SH3BGRL2: variants seen among roughly 807,000 people sequenced by gnomAD.
SH3BGRL2 encodes SH3 domain binding glutamate rich protein like 2.
Under a neutral mutation model 14.8 loss-of-function variants are expected in SH3BGRL2, and 21 were observed. The ratio of observed to expected loss-of-function variants is 1.42; its 90% confidence interval spans 1.01 to 2.05. The LOEUF (loss-of-function observed/expected upper bound fraction) is 2.05. Among genes scored for constraint, SH3BGRL2 ranks in the 30% most tolerant of loss-of-function variants. The pLI is 0.00. For missense variants in SH3BGRL2, 147 were observed against 130.8 expected, an observed-to-expected ratio of 1.12 and a Z score of -0.61; for synonymous variants, 50 against 47.8, an observed-to-expected ratio of 1.05 and a Z score of -0.19.
At chr6:79,546,783 G>A in the SH3BGRL2 span, among the ~76,000 whole-genome samples, 3 of 151,400 alleles carry the variant, frequency 2.0e-5, no homozygotes, top group Non-Finnish European at 4.4e-5. Flanking sequence ...ACCTCCGCCT[G>A]GGTTCACTGC....
At chr6:79,695,873 C>T (rs1333983350) in intron 2 of SH3BGRL2, among the ~76,000 whole-genome samples, 1 of 152,102 alleles carries the variant, frequency 6.6e-6, no homozygotes, top group African/African-American at 2.4e-5. Flanking sequence ...TTCCTTGATG[C>T]CTTCTTGTGA....
At position 79,651,045 on chromosome 6, in the gene SH3BGRL2, G is replaced by A. The variant is rs188030668; in HGVS notation, c.45+19539G>A. 1.5e-4 allele frequency among the ~76,000 whole-genome samples: 23 copies of A among 151,878 alleles called. No individual in the cohort carries two copies. In the East Asian group the frequency reaches 2.5e-3, roughly 17 times the overall value. On this transcript the variant is annotated intron_variant, in intron 1 of 3. Coordinates refer to ENST00000369838, the MANE Select transcript of SH3BGRL2 (RefSeq NM_031469.4). ...AATAGAAGTCGTTTTTATATAATCT[G>A]TTAGGATAACTTTTCACACAATTGA...
the SH3BGRL2 span, among the ~76,000 whole-genome samples, chr6:79,590,455 A>ATATG: frequency 2.8e-3 from 326 of 116,150 alleles, 9 homozygotes; most frequent in Non-Finnish European, 4.2e-3. Flanking sequence ...ATATATATAT[A>ATATG]TATATATATG....
the SH3BGRL2 span, among the ~76,000 whole-genome samples, chr6:79,622,138 A>C: frequency 1.3e-5 from 2 of 152,116 alleles, no homozygotes; most frequent in South Asian, 4.1e-4. Context: ...TGCTGTTGGA[A>C]ATTTCTCAGA....
the SH3BGRL2 span, among the ~76,000 whole-genome samples, chr6:79,558,692 C>G: frequency 6.7e-6 from 1 of 149,638 alleles, no homozygotes; most frequent in Middle Eastern, 3.4e-3. Flanking sequence ...TGGCGAAACC[C>G]CATCTCTATA....
the SH3BGRL2 span, among the ~76,000 whole-genome samples, chr6:79,620,902 T>C: frequency 6.6e-6 from 1 of 152,118 alleles, no homozygotes; most frequent in African/African-American, 2.4e-5. Flanking sequence ...TCAAGCACTT[T>C]GGGAAATATA....
intron 2 of SH3BGRL2, among the ~76,000 whole-genome samples, chr6:79,688,966 C>G (rs1770155280): frequency 6.6e-6 from 1 of 152,048 alleles, no homozygotes; most frequent in South Asian, 2.1e-4. Flanking sequence ...GAATTTTTCA[C>G]ACAATTCTTT....
intron 1 of SH3BGRL2, among the ~76,000 whole-genome samples, chr6:79,659,266 T>C (rs2127728754): frequency 6.6e-6 from 1 of 152,310 alleles, no homozygotes; most frequent in African/African-American, 2.4e-5. Flanking sequence ...TTTTTATGGT[T>C]TTAGGTCTAA....
chr6:79,573,419 C>T, the SH3BGRL2 span, among the ~76,000 whole-genome samples: 1 of 152,024 alleles, frequency 6.6e-6, no homozygotes, highest in Admixed American at 6.5e-5. Context: ...GTCTTAATAT[C>T]AGGATGAGGT....
chr6:79,688,754 A>G (rs1770150885), intron 2 of SH3BGRL2, among the ~76,000 whole-genome samples: 1 of 152,182 alleles, frequency 6.6e-6, no homozygotes, highest in African/African-American at 2.4e-5. Flanking sequence ...GCTTACAACC[A>G]TAAGAATTTG....
In SH3BGRL2 at chr6:79,703,207, A is replaced by T. The variant is rs1185727831; in HGVS notation, c.*3698A>T. On this transcript the variant is annotated 3_prime_UTR_variant, in exon 4 of 4. Coordinates refer to ENST00000369838, the MANE Select transcript of SH3BGRL2 (RefSeq NM_031469.4). Reference sequence around the variant, plus strand: ...GTGGTAAGTGTTGTCAGAGCAGGGCAATATCTCTACTCTCAAGTATGAGGG... The same window carrying T: ...GTGGTAAGTGTTGTCAGAGCAGGGCTATATCTCTACTCTCAAGTATGAGGG... 1 of 152,218 alleles carries T rather than the reference A, an allele frequency of 6.6e-6. No homozygotes were observed. The highest frequency in any genetic ancestry group is 1.5e-5 in the Non-Finnish European group (1 of 68,046). 9.4% of individuals were successfully genotyped at this position (152,218 alleles called of 1,614,324 possible).
intron 1 of SH3BGRL2, among the ~76,000 whole-genome samples, chr6:79,665,181 C>A (rs1402947655): frequency 1.3e-5 from 2 of 152,188 alleles, no homozygotes; most frequent in African/African-American, 4.8e-5. Context: ...GCCTGGGCAA[C>A]AGAGCGAGAC....
the SH3BGRL2 span, among the ~76,000 whole-genome samples, chr6:79,581,927 T>C: frequency 2.0e-5 from 3 of 152,282 alleles, no homozygotes; most frequent in African/African-American, 7.2e-5. Context: ...GATAAGCAAC[T>C]TCAGCAAAGT....
chr6:79,642,689 A>G (rs1769055893), intron 1 of SH3BGRL2, among the ~76,000 whole-genome samples: 1 of 152,204 alleles, frequency 6.6e-6, no homozygotes, highest in Non-Finnish European at 1.5e-5. Context: ...TAACTGATAC[A>G]GAATATGTTG....
At chr6:79,562,081 T>C in the SH3BGRL2 span, among the ~76,000 whole-genome samples, 1 of 152,184 alleles carries the variant, frequency 6.6e-6, no homozygotes, top group African/African-American at 2.4e-5. Flanking sequence ...TTCCTATCTC[T>C]ACAACAATAT....
the SH3BGRL2 span, among the ~76,000 whole-genome samples, chr6:79,615,854 A>G: frequency 2.3e-5 from 3 of 130,654 alleles, no homozygotes; most frequent in Non-Finnish European, 4.8e-5. Context: ...TTTTTTAGAC[A>G]AGAGTTTTGC....
Position 79,696,489 on chromosome 6 carries a change from A to C in SH3BGRL2, c.236A>C (p.Tyr79Ser), listed in dbSNP as rs781347863. The change falls in exon 3 of 4, where the codon TAT becomes TCT. Residue 79 changes from tyrosine to serine, a missense_variant. Coordinates refer to ENST00000369838, the MANE Select transcript of SH3BGRL2 (RefSeq NM_031469.4). ...TCTGCTTCCCTTTTTTTCTAGGATTATGACAGTTTTTTTGAATCCAAGGAA... is the reference window on the plus strand; with the variant it reads ...TCTGCTTCCCTTTTTTTCTAGGATTCTGACAGTTTTTTTGAATCCAAGGAA... ...IFNGDRYCGD[Y>S]DSFFESKESN... 1 of 1,577,782 alleles carries C rather than the reference A, an allele frequency of 6.3e-7. No homozygotes were observed. The highest frequency in any genetic ancestry group is 1.2e-5 in the South Asian group (1 of 83,382).
At chr6:79,573,793 C>T in the SH3BGRL2 span, 3 of 152,032 alleles carry the variant, frequency 2.0e-5, no homozygotes, top group Non-Finnish European at 4.4e-5. Flanking sequence ...AATTGATTTT[C>T]ATACATTTAA....
At chr6:79,578,893 A>G in the SH3BGRL2 span, among the ~76,000 whole-genome samples, 1 of 152,230 alleles carries the variant, frequency 6.6e-6, no homozygotes, top group African/African-American at 2.4e-5. Context: ...AAAGGAAGAT[A>G]AAAACCTTGA....
Sources: allele counts gnomAD v4.1 joint callset (sites outside exome capture counted in the v4.1 genomes callset), GRCh38; gene constraint gnomAD v4.1.1; transcripts MANE v1.5; gene names NCBI Gene and HGNC (gene_info 2026-07-23, HGNC 2026-07-21).